Variants in TRIM47 observed in about 807,000 individuals in gnomAD.
TRIM47 encodes E3 ubiquitin-protein ligase TRIM47.
A neutral mutation model predicts 54.4 loss-of-function variants in TRIM47; 46 were observed. That is an observed-to-expected ratio of 0.84 (90% CI 0.67 to 1.08). The LOEUF (loss-of-function observed/expected upper bound fraction) is 1.08, where lower values mean the gene tolerates loss of function less well. Among genes scored for constraint, TRIM47 ranks in the 50% least tolerant of loss-of-function variants. The pLI, the probability that TRIM47 is intolerant of heterozygous loss-of-function variation, is 0.00. For synonymous variants in TRIM47, 392 were observed against 410.2 expected (o/e 0.96, Z 0.54); for missense variants, 825 against 910.1 (o/e 0.91, Z 1.20).
In TRIM47 at chr17:75,876,726, G is replaced by A. The variant is rs2065137478; in HGVS notation, c.763C>T (p.Leu255Phe). 1.2e-6 allele frequency: 2 copies of A among 1,614,046 alleles called. No individual in the cohort carries two copies. The highest frequency in any genetic ancestry group is 1.7e-6 in the Non-Finnish European group (2 of 1,180,020). ...GIAQSRRTVALIKSAAVAERE... is the reference protein window; with the variant it reads ...GIAQSRRTVAFIKSAAVAERE... ...AGGGAGGGGTGTTTGACCTTGATGA[G>A]GGCCACTGTGCGCCTGGACTGTGCA... The change falls in exon 2 of 6, where the codon CTC (leucine) becomes TTC (phenylalanine). Residue 255 changes from leucine (L) to phenylalanine (F), a missense_variant. By Grantham distance (22) the Leu-to-Phe change is conservative. Coordinates refer to ENST00000254816, the MANE Select transcript of TRIM47 (RefSeq NM_033452.3).
Position 75,876,583 on chromosome 17 carries a change from C to T in TRIM47, c.772-91G>A, listed in dbSNP as rs796226411. The stretch of plus-strand genomic sequence containing the variant: ...TTCCCTGACCCCGGCTTCCCACCGG[C>T]CCTCTTGAGGGGACAGAGGGGCCAG... On this transcript the variant is annotated intron_variant, in intron 2 of 5. Transcript: ENST00000254816. 6.0e-6 allele frequency: 9 copies of T among 1,506,414 alleles called. No individual in the cohort carries two copies. The African/African-American group carries it at 1.2e-4, about 21-fold the overall frequency. The allele number at this position is 1,506,414 out of a possible 1,614,324, so 93.3% of individuals were successfully genotyped here. A position where few individuals can be genotyped will look rare whatever the true frequency, so the allele number is the denominator to read the frequency against.
In TRIM47 at chr17:75,875,156, T is replaced by C; in HGVS notation, c.1277-33A>G. ...CGTGGACAGAAGAGAGAGGCAGGGC[T>C]CAGGGCCAGGCTCAGAGGGCACGGC... On this transcript the variant is annotated intron_variant, in intron 5 of 5. Coordinates refer to ENST00000254816, the MANE Select transcript of TRIM47 (RefSeq NM_033452.3). The surrounding 1 kb of genome is among the most constrained non-coding windows in gnomAD (Gnocchi z 6.1). The C allele has an allele frequency of 1.3e-6, 2 of 1,561,136 alleles. No individual in the cohort carries two copies. The highest frequency in any genetic ancestry group is 1.7e-6 in the Non-Finnish European group (2 of 1,151,552).
rs2065142786 is a variant in TRIM47, at chr17:75,877,535, G to T, written c.675+339C>A. ...AGGGCAAATCTGAGCTGAGACCGGC[G>T]TGACCCTCCGGGCGGGAGCAGCAGC... On this transcript the variant is annotated intron_variant, in intron 1 of 5. Coordinates refer to ENST00000254816, the MANE Select transcript of TRIM47 (RefSeq NM_033452.3). 5 of 475,950 alleles carry T rather than the reference G, an allele frequency of 1.1e-5. No homozygotes were observed. The South Asian group carries it at 3.0e-4, about 29-fold the overall frequency. 29.5% of individuals were successfully genotyped at this position (475,950 alleles called of 1,614,324 possible). A position where few individuals can be genotyped will look rare whatever the true frequency, so the allele number is the denominator to read the frequency against.
At chr17:75,877,081 T>G (rs998754221) in intron 1 of TRIM47, 8 of 499,384 alleles carry the variant, frequency 1.6e-5, no homozygotes, top group Non-Finnish European at 2.6e-5. Flanking sequence ...GGCCGTCCGC[T>G]GGTCTCAGTG....
At chr17:75,876,131 C>T (rs1411011355) in intron 3 of TRIM47, 32 bp from the exon 4 acceptor site, 1 of 1,591,662 alleles carries the variant, frequency 6.3e-7, no homozygotes, top group Non-Finnish European at 8.5e-7. Context: ...TAAAGTGCTG[C>T]TGGCCATGGC....
At position 75,878,257 on chromosome 17, in the gene TRIM47, C is replaced by G. The variant is rs1199372602; in HGVS notation, c.292G>C (p.Glu98Gln). The stretch of plus-strand genomic sequence containing the variant: ...GGCAGCGCGCTGGGTGCCGAGGGCT[C>G]CGGGGCCAGGGCAGGGGCCGGGCCG... ...GPGPAPALAP[E>Q]PSAPSALPSV... Residue 98 changes from glutamate to glutamine, a missense_variant, in exon 1 of 6, where the codon GAG becomes CAG. Transcript: ENST00000254816. 2 of 1,241,224 alleles carry G rather than the reference C, an allele frequency of 1.6e-6. No homozygotes were observed. The highest frequency in any genetic ancestry group is 1.6e-5 in the African/African-American group (1 of 64,064). The allele number at this position is 1,241,224 out of a possible 1,614,324, so 76.9% of individuals were successfully genotyped here.
intron 1 of TRIM47, 196 bp from the exon 2 acceptor site, chr17:75,877,009 C>T (rs2065139590): frequency 5.0e-6 from 3 of 599,278 alleles, no homozygotes; most frequent in South Asian, 2.0e-5. Flanking sequence ...TCCTGAACGC[C>T]TGGGGGGCGT....
rs753614180 is a variant in TRIM47 at position 75,874,263 on chromosome 17, G to T, written c.*220C>A. On this transcript the variant is annotated 3_prime_UTR_variant, in exon 6 of 6. Transcript: ENST00000254816. The surrounding 1 kb of genome is among the most constrained non-coding windows in gnomAD (Gnocchi z 6.2). ...AGGGTAGCTTGGAGCTGTCCCAGCT[G>T]TAGCTCTGTCTCCCAGAAGTGAGGT... is the stretch of plus-strand genomic sequence containing the variant. The T allele has an allele frequency of 4.6e-4, 196 of 426,486 alleles. 1 individual carries two copies. Among genetic ancestry groups the T allele is most frequent in the Non-Finnish European group, 7.2e-4 (175 of 243,614 alleles). The allele number at this position is 426,486 out of a possible 1,614,324, so 26.4% of individuals were successfully genotyped here. A position where few individuals can be genotyped will look rare whatever the true frequency, so the allele number is the denominator to read the frequency against.
chr17:75,878,059 C>T lies in TRIM47; in HGVS notation c.490G>A (p.Ala164Thr). 1 of 1,373,762 alleles carries T rather than the reference C, an allele frequency of 7.3e-7. No individual in the cohort carries two copies. Among genetic ancestry groups the T allele is most frequent in the Non-Finnish European group, 9.4e-7 (1 of 1,067,932 alleles). 85.1% of individuals were successfully genotyped at this position (1,373,762 alleles called of 1,614,324 possible). ...AHLGPHERSP[A>T]LRGHRLVPPL... is the part of the protein sequence containing the mutation. ...GGCACCAGGCGGTGTCCGCGGAGGG[C>T]GGGGCTGCGCTCGTGCGGGCCCAGG... Residue 164 changes from alanine to threonine, a missense_variant, in exon 1 of 6, where the codon GCC becomes ACC. Transcript: ENST00000254816.
Position 75,876,479 on chromosome 17 carries a change from G to A in TRIM47, c.785C>T (p.Ala262Val). 1 of 1,605,682 alleles carries A rather than the reference G, an allele frequency of 6.2e-7. No individual in the cohort carries two copies. The highest frequency in any genetic ancestry group is 8.5e-7 in the Non-Finnish European group (1 of 1,178,354). Residue 262 changes from alanine to valine, a missense_variant, in exon 3 of 6, where the codon GCA becomes GTA. Physicochemically the swap from Ala to Val is moderately conservative, Grantham distance 64. Transcript: ENST00000254816. ...CAGCCGGCTCACCCTCTCCCGCTCT[G>A]CTACGGCTGCACTCTGCACAGGACG... ...TVALIKSAAV[A>V]ERERVSRLFA...
Position 75,875,099 on chromosome 17 carries a change from C to G in TRIM47, c.1301G>C (p.Ser434Thr), listed in dbSNP as rs773789886. The change falls in exon 6 of 6, where the codon AGC (serine) becomes ACC (threonine). Residue 434 changes from serine to threonine, a missense_variant. Transcript: ENST00000254816. The surrounding 1 kb of genome is among the most constrained non-coding windows in gnomAD (Gnocchi z 6.1). ...CTGCAGGAACTTGTCTGCTGTGTCG[C>G]TGTCCAAATCCACAATATAGGCAAC... is the stretch of plus-strand genomic sequence containing the variant. ...LKFAYIVDLD[S>T]DTADKFLQLF... is the part of the protein sequence containing the mutation. 1.9e-6 allele frequency: 3 copies of G among 1,602,140 alleles called. No individual in the cohort carries two copies. Among genetic ancestry groups the G allele is most frequent in the Non-Finnish European group, 2.6e-6 (3 of 1,171,652 alleles).
chr17:75,876,481 T>C lies in TRIM47; in HGVS notation c.783A>G (p.Val261=), dbSNP rs1257780179. The C allele has an allele frequency of 3.1e-6, 5 of 1,605,428 alleles. No homozygotes were observed. The highest frequency in any genetic ancestry group is 4.2e-6 in the Non-Finnish European group (5 of 1,178,298). Residue 261 remains valine (V), a synonymous_variant, in exon 3 of 6, where the codon GTA becomes GTG. Coordinates refer to ENST00000254816, the MANE Select transcript of TRIM47 (RefSeq NM_033452.3). ...GCCGGCTCACCCTCTCCCGCTCTGC[T>C]ACGGCTGCACTCTGCACAGGACGAC... ...RTVALIKSAA[V]AERERVSRLF...
Position 75,874,881 on chromosome 17 carries a change from G to A in TRIM47, c.1519C>T (p.Pro507Ser). ...CGGCCCAGCCGGCCGCGGTCGTAGGGCTCTTGTGGGGAGAAGTCTTCGGCC... is the reference window on the plus strand; with the variant it reads ...CGGCCCAGCCGGCCGCGGTCGTAGGACTCTTGTGGGGAGAAGTCTTCGGCC... ...VMAEDFSPQE[P>S]YDRGRLGRNA... Residue 507 changes from proline to serine, a missense_variant, in exon 6 of 6, where the codon CCC becomes TCC. Pro to Ser is a moderately conservative substitution (Grantham distance 74, BLOSUM62 -1). Coordinates refer to ENST00000254816, the MANE Select transcript of TRIM47 (RefSeq NM_033452.3). This position sits in a 1 kb window ranked among gnomAD's most constrained non-coding sequence, Gnocchi z 6.2. 1.2e-6 allele frequency: 2 copies of A among 1,614,146 alleles called. No homozygotes were observed. The highest frequency in any genetic ancestry group is 2.2e-5 in the East Asian group (1 of 44,868).
At position 75,878,407 on chromosome 17, in the gene TRIM47, G is replaced by A; in HGVS notation, c.142C>T (p.Pro48Ser). The change falls in exon 1 of 6, where the codon CCC becomes TCC. Residue 48 changes from proline to serine, a missense_variant. By Grantham distance (74) the Pro-to-Ser change is moderately conservative (BLOSUM62 -1). Transcript: ENST00000254816. ...PHRGASGAGG[P>S]GGAARCPLCQ... Reference sequence around the variant, plus strand: ...AGCGGGCAGCGGGCCGCGCCTCCGGGTCCGCCGGCTCCACTCGCGCCACGA... The same window carrying A: ...AGCGGGCAGCGGGCCGCGCCTCCGGATCCGCCGGCTCCACTCGCGCCACGA... The A allele has an allele frequency of 7.0e-7, 1 of 1,426,682 alleles. No individual in the cohort carries two copies. The highest frequency in any genetic ancestry group is 1.4e-5 in the South Asian group (1 of 72,038). The allele number at this position is 1,426,682 out of a possible 1,614,324, so 88.4% of individuals were successfully genotyped here.
In TRIM47 at chr17:75,876,520, A is replaced by G. The variant is rs769035239; in HGVS notation, c.772-28T>C. On this transcript the variant is annotated intron_variant, in intron 2 of 5. Coordinates refer to ENST00000254816, the MANE Select transcript of TRIM47 (RefSeq NM_033452.3). The stretch of plus-strand genomic sequence containing the variant: ...GCACAGGACGACAGTAGAGGGGGCA[A>G]TGAGGGCAAAGAACCGTCCCGGACT... 10 of 1,564,238 alleles carry G rather than the reference A, an allele frequency of 6.4e-6. No individual in the cohort carries two copies. In the Admixed American group the frequency reaches 9.1e-5, roughly 14 times the overall value.
Position 75,876,448 on chromosome 17 carries a change from T to G in TRIM47, c.816A>C (p.Ala272=). Residue 272 remains alanine, a synonymous_variant, in exon 3 of 6, where the codon GCA becomes GCC. Transcript: ENST00000254816. ...AGCCCTGCAGGGCGGCCGCAGCATC[T>G]GCAAACAGCCGGCTCACCCTCTCCC... ...AERERVSRLF[A]DAAAALQGFQ... is the part of the protein sequence containing the mutation. 2 of 1,611,120 alleles carry G rather than the reference T, an allele frequency of 1.2e-6. No individual in the cohort carries two copies. The highest frequency in any genetic ancestry group is 1.7e-6 in the Non-Finnish European group (2 of 1,179,838).
Position 75,878,270 on chromosome 17 carries a change from AGGGGCCGGGCCGGGGCCGGACCC to A in TRIM47, c.256_278del (p.Gly86CysfsTer134). 1.6e-6 allele frequency: 2 copies of A among 1,254,290 alleles called. No individual in the cohort carries two copies. Among genetic ancestry groups the A allele is most frequent in the East Asian group, 6.4e-5 (2 of 31,362 alleles). The allele number at this position is 1,254,290 out of a possible 1,614,324, so 77.7% of individuals were successfully genotyped here. A position where few individuals can be genotyped will look rare whatever the true frequency, so the allele number is the denominator to read the frequency against. On this transcript the variant is annotated frameshift_variant, in exon 1 of 6. Transcript: ENST00000254816. LOFTEE classifies it high-confidence loss of function. ...GTGCCGAGGGCTCCGGGGCCAGGGC[AGGGGCCGGGCCGGGGCCGGACCC>A]GGGGCCCGAGCCCTGGCGGAGCTGC...
intron 1 of TRIM47, chr17:75,877,072 G>A (rs2065140094): frequency 7.7e-6 from 4 of 522,794 alleles, no homozygotes; most frequent in Admixed American, 6.3e-5. Context: ...CTAGTACAGG[G>A]CCGTCCGCTG....
chr17:75,877,659 C>T, intron 1 of TRIM47: 1 of 1,229,668 alleles, frequency 8.1e-7, no homozygotes, highest in Non-Finnish European at 1.0e-6. Flanking sequence ...TCTTCGCGTC[C>T]TTGTCCTGTT....
Sources: allele counts gnomAD v4.1 joint callset, GRCh38; gene constraint gnomAD v4.1.1; non-coding constraint Gnocchi (gnomAD v3.1); transcripts MANE v1.5; gene names NCBI Gene and HGNC (gene_info 2026-07-23, HGNC 2026-07-21).